The following POMGNT2 variants were observed in gnomAD, a reference collection of about 807,000 sequenced individuals.
POMGNT2 encodes protein O-linked-mannose beta-1,4-N-acetylglucosaminyltransferase 2.
A neutral mutation model predicts 37.8 loss-of-function variants in POMGNT2; 32 were observed. That is an observed-to-expected ratio of 0.85 (90% CI 0.64 to 1.14). The LOEUF is 1.14. POMGNT2 is among the 50% of genes most tolerant of loss of function. The pLI is 0.00. For synonymous variants in POMGNT2, 340 were observed against 336.8 expected, an observed-to-expected ratio of 1.01 and a Z score of -0.10; for missense variants, 705 against 780.6, an observed-to-expected ratio of 0.90 and a Z score of 1.15.
intron 1 of POMGNT2, among the ~76,000 whole-genome samples, chr3:43,096,654 TG>T (rs2089981870): frequency 6.6e-6 from 1 of 152,244 alleles, no homozygotes; most frequent in South Asian, 2.1e-4. Flanking sequence ...CATGTTTATC[TG>T]CCTCTGCCTC....
intron 1 of POMGNT2, among the ~76,000 whole-genome samples, chr3:43,097,018 G>A (rs1250323193): frequency 1.3e-5 from 2 of 152,222 alleles, no homozygotes; most frequent in Non-Finnish European, 2.9e-5. Flanking sequence ...AGCTGGGCAG[G>A]TGGGGTGGGG....
At position 43,080,256 on chromosome 3, in the gene POMGNT2, G is replaced by A. The variant is rs775756015; in HGVS notation, c.1176C>T (p.Ala392=). Reference sequence around the variant, plus strand: ...TGTTCTCTGGCATCATGTTCCGCCAGGCTACATACTGGAGGTCCATGCCAG... The same window carrying A: ...TGTTCTCTGGCATCATGTTCCGCCAAGCTACATACTGGAGGTCCATGCCAG... ...MLPGMDLQYV[A]WRNMMPENTV... The change falls in exon 2 of 2, where the codon GCC becomes GCT. Residue 392 remains alanine, a synonymous_variant. Transcript: ENST00000344697. The A allele has an allele frequency of 1.2e-6, 2 of 1,614,224 alleles. No individual in the cohort carries two copies. The highest frequency in any genetic ancestry group is 1.7e-6 in the Non-Finnish European group (2 of 1,180,040).
At chr3:43,084,207 C>T (rs184477100) in intron 1 of POMGNT2, among the ~76,000 whole-genome samples, 133 of 152,240 alleles carry the variant, frequency 8.7e-4, no homozygotes, top group African/African-American at 3.1e-3. Context: ...TGGGTTTATC[C>T]TCTTTGGGGT....
At chr3:43,095,784 T>C (rs1454931806) in intron 1 of POMGNT2, among the ~76,000 whole-genome samples, 1 of 152,156 alleles carries the variant, frequency 6.6e-6, no homozygotes, top group Non-Finnish European at 1.5e-5. Context: ...CCAGTCTTCA[T>C]TAAAGTGGGG....
rs2089856489 is a variant in POMGNT2, at chr3:43,081,515, C to A, written c.-84G>T. On this transcript the variant is annotated 5_prime_UTR_variant, in exon 2 of 2. An upstream start codon of the reference 5' UTR is lost. Transcript: ENST00000344697. ...GGCAGGCTTCACCCATCCCTATGGG[C>A]ATCCTGAGAACTGGTGAAAGCCTGC... 1.7e-6 allele frequency: 2 copies of A among 1,169,098 alleles called. No individual in the cohort carries two copies. Among genetic ancestry groups the A allele is most frequent in the African/African-American group, 1.6e-5 (1 of 64,428 alleles). The allele number at this position is 1,169,098 out of a possible 1,614,324, so 72.4% of individuals were successfully genotyped here. A position where few individuals can be genotyped will look rare whatever the true frequency, so the allele number is the denominator to read the frequency against.
chr3:43,080,209 G>A lies in POMGNT2; in HGVS notation c.1223C>T (p.Pro408Leu), dbSNP rs1295319210. 1 of 1,614,004 alleles carries A rather than the reference G, an allele frequency of 6.2e-7. No homozygotes were observed. Among genetic ancestry groups the A allele is most frequent in the Non-Finnish European group, 8.5e-7 (1 of 1,180,026 alleles). ...PENTVTHPER[P>L]WDQGGITHLD... is the part of the protein sequence containing the mutation. ...ATGGGTGATGCCCCCCTGATCCCAGGGCCGCTCAGGGTGTGTGACTGTGTT... is the reference window on the plus strand; with the variant it reads ...ATGGGTGATGCCCCCCTGATCCCAGAGCCGCTCAGGGTGTGTGACTGTGTT... Residue 408 changes from proline to leucine, a missense_variant, in exon 2 of 2, where the codon CCC becomes CTC. Pro to Leu is a moderately conservative substitution (Grantham distance 98). Transcript: ENST00000344697.
At chr3:43,085,443 C>T (rs1052585455) in intron 1 of POMGNT2, among the ~76,000 whole-genome samples, 23 of 152,004 alleles carry the variant, frequency 1.5e-4, no homozygotes, top group African/African-American at 5.1e-4. Flanking sequence ...GTGCTGTTCT[C>T]GTGATAGTGA....
At chr3:43,105,109 C>T (rs2090047960) in intron 1 of POMGNT2, among the ~76,000 whole-genome samples, 1 of 152,220 alleles carries the variant, frequency 6.6e-6, no homozygotes, top group Admixed American at 6.5e-5. Context: ...TGTTGGCTGG[C>T]AATAAAGTAG....
chr3:43,093,234 G>A (rs950581366), intron 1 of POMGNT2, among the ~76,000 whole-genome samples: 1 of 152,252 alleles, frequency 6.6e-6, no homozygotes, highest in African/African-American at 2.4e-5. Flanking sequence ...CAGGGCCTTA[G>A]GGCAAAGCTC....
chr3:43,080,871 G>A lies in POMGNT2; in HGVS notation c.561C>T (p.His187=), dbSNP rs147429438. 6.2e-4 allele frequency: 997 copies of A among 1,613,998 alleles called. 1 individual carries two copies. Among genetic ancestry groups the A allele is most frequent in the Admixed American group, 1.7e-3 (100 of 60,008 alleles). ...YTLRQFPGLA[H]EARLFFMEGW... ...CCTCCATGAAGAAGAGCCGTGCCTC[G>A]TGGGCCAGGCCGGGAAACTGCCGCA... The change falls in exon 2 of 2, where the codon CAC becomes CAT. Residue 187 remains histidine, a synonymous_variant. Transcript: ENST00000344697.
chr3:43,103,355 G>A lies in POMGNT2; in HGVS notation c.-106+2481C>T, dbSNP rs545407723. ...AGGCTCAGAGAATTATGCAGCCCCA[G>A]AACATTTCCCAGGAGCTAAACGAAG... On this transcript the variant is annotated intron_variant, in intron 1 of 1. Transcript: ENST00000344697. Among the ~76,000 whole-genome samples the A allele has an allele frequency of 3.6e-3, 552 of 152,154 alleles. 1 individual carries two copies. The highest frequency in any genetic ancestry group is 0.014 in the Middle Eastern group (4 of 294).
At position 43,081,451 on chromosome 3, in the gene POMGNT2, C is replaced by T; in HGVS notation, c.-20G>A. On this transcript the variant is annotated 5_prime_UTR_variant, in exon 2 of 2. Coordinates refer to ENST00000344697, the MANE Select transcript of POMGNT2 (RefSeq NM_032806.6). Reference sequence around the variant, plus strand: ...GTGCATCCTAATGCCACTGTGGGGCCCTAATGAGATGACGGCCACTGGGAA... The same window carrying T: ...GTGCATCCTAATGCCACTGTGGGGCTCTAATGAGATGACGGCCACTGGGAA... 6.6e-7 allele frequency: 1 copy of T among 1,514,954 alleles called. No homozygotes were observed. Among genetic ancestry groups the T allele is most frequent in the South Asian group, 1.3e-5 (1 of 75,882 alleles). 93.8% of individuals were successfully genotyped at this position (1,514,954 alleles called of 1,614,324 possible).
Position 43,106,046 on chromosome 3 carries a change from T to C in POMGNT2, c.-316A>G, listed in dbSNP as rs2002182. On this transcript the variant is annotated 5_prime_UTR_variant, in exon 1 of 2. Transcript: ENST00000344697. ...GGCTCGCAGGTGTCCGCCGTGCGCC[T>C]GCCCGGCGGGCGAGCCCGGCGCGGA... 1 of 151,402 alleles carries C rather than the reference T, an allele frequency of 6.6e-6. No individual in the cohort carries two copies. The highest frequency in any genetic ancestry group is 1.5e-5 in the Non-Finnish European group (1 of 67,800). The allele number at this position is 151,402 out of a possible 1,614,324, so 9.4% of individuals were successfully genotyped here.
At position 43,085,531 on chromosome 3, in the gene POMGNT2, C is replaced by T. The variant is rs112162208; in HGVS notation, c.-105-3995G>A. On this transcript the variant is annotated intron_variant, in intron 1 of 1. Transcript: ENST00000344697. The stretch of plus-strand genomic sequence containing the variant: ...CTCTCTCTTTGCCTGCTGCCATTCA[C>T]GTAAGATGTGCCTTGTTCCTTCTTG... 2.2e-3 allele frequency among the ~76,000 whole-genome samples: 341 copies of T among 152,246 alleles called. 1 individual carries two copies. Among genetic ancestry groups the T allele is most frequent in the Middle Eastern group, 0.01 (3 of 292 alleles).
chr3:43,094,057 G>C (rs909251425), intron 1 of POMGNT2, among the ~76,000 whole-genome samples: 1 of 152,116 alleles, frequency 6.6e-6, no homozygotes, highest in East Asian at 1.9e-4. Flanking sequence ...GCCAAAGTGT[G>C]GTAGTAGGAA....
At chr3:43,094,643 T>G (rs1350568026) in intron 1 of POMGNT2, among the ~76,000 whole-genome samples, 1 of 152,200 alleles carries the variant, frequency 6.6e-6, no homozygotes, top group Non-Finnish European at 1.5e-5. Flanking sequence ...GGGCAGTCTG[T>G]GCACCAACTG....
Position 43,086,054 on chromosome 3 carries a change from T to C in POMGNT2, c.-105-4518A>G, listed in dbSNP as rs182322089. 1.8e-3 allele frequency among the ~76,000 whole-genome samples: 260 copies of C among 147,036 alleles called. 1 individual carries two copies. Among genetic ancestry groups the C allele is most frequent in the Non-Finnish European group, 2.2e-3 (143 of 65,220 alleles). ...TTTTTAGCTATATTAGTAAAAGGGATAGGGATAAATTTGTCTACTCTATTT... is the reference window on the plus strand; with the variant it reads ...TTTTTAGCTATATTAGTAAAAGGGACAGGGATAAATTTGTCTACTCTATTT... On this transcript the variant is annotated intron_variant, in intron 1 of 1. Transcript: ENST00000344697.
intron 1 of POMGNT2, among the ~76,000 whole-genome samples, chr3:43,102,132 A>G (rs902892149): frequency 2.0e-5 from 3 of 151,888 alleles, no homozygotes; most frequent in Non-Finnish European, 2.9e-5. Context: ...ACTCTCTTGG[A>G]AGCTCTGGGA....
At chr3:43,099,633 A>C in intron 1 of POMGNT2, among the ~76,000 whole-genome samples, 1 of 152,126 alleles carries the variant, frequency 6.6e-6, no homozygotes. Context: ...GCAGGAGATA[A>C]AGCTGCCAGG....
Sources: gnomAD v4.1 joint callset for allele counts (sites outside exome capture counted in the v4.1 genomes callset) on GRCh38, gnomAD v4.1.1 for gene constraint, MANE v1.5 for transcripts, NCBI Gene and HGNC (gene_info 2026-07-23, HGNC 2026-07-21) for gene names.